The following EHD4 variants were observed in gnomAD, a reference collection of about 807,000 sequenced individuals.
EHD4 encodes EH domain-containing protein 4.
Under a neutral mutation model 51.0 loss-of-function variants are expected in EHD4, and 37 were observed. The observed-to-expected ratio is 0.73, with a 90% CI of 0.56 to 0.95. The LOEUF (loss-of-function observed/expected upper bound fraction) is 0.95, where lower values mean the gene tolerates loss of function less well. EHD4 is among the 40% of genes least tolerant of loss of function. The probability of loss-of-function intolerance (pLI) is 0.00; values close to 1 mark genes in which losing one functional copy is unlikely to be tolerated. For synonymous variants in EHD4, 297 were observed against 317.3 expected (o/e 0.94, Z 0.68); for missense variants, 632 against 733.1 (o/e 0.86, Z 1.59).
intron 3 of EHD4, among the ~76,000 whole-genome samples, chr15:41,936,576 A>G (rs2067733115): frequency 6.6e-6 from 1 of 152,364 alleles, no homozygotes; most frequent in Admixed American, 6.5e-5. Flanking sequence ...GAAATGCTCT[A>G]TATGCAAAGT....
intron 5 of EHD4, among the ~76,000 whole-genome samples, chr15:41,905,024 C>T (rs940271015): frequency 4.6e-5 from 7 of 152,228 alleles, no homozygotes; most frequent in Admixed American, 2.0e-4. Flanking sequence ...CTGGCATCAG[C>T]GAGCTCTCTG....
intron 3 of EHD4, among the ~76,000 whole-genome samples, chr15:41,930,005 A>C (rs1456548596): frequency 6.6e-6 from 1 of 152,166 alleles, no homozygotes; most frequent in Non-Finnish European, 1.5e-5. Context: ...CATCCCTTCT[A>C]CTGGATTCAT....
rs150883712 is a variant in EHD4 at position 41,958,225 on chromosome 15, C to A, written c.237-4285G>T. Among the ~76,000 whole-genome samples the A allele has an allele frequency of 1.1e-3, 165 of 152,124 alleles. 1 individual carries two copies. Among genetic ancestry groups the A allele is most frequent in the African/African-American group, 3.6e-3 (149 of 41,480 alleles). ...TGTCCTTGGCTCCACTTTGCTCCCC[C>A]TTTCCTGTGTTCTCGGAGAGGCCTG... On this transcript the variant is annotated intron_variant, in intron 1 of 5. Transcript: ENST00000220325.
intron 4 of EHD4, among the ~76,000 whole-genome samples, chr15:41,917,975 G>A (rs540711621): frequency 6.6e-6 from 1 of 152,332 alleles, no homozygotes; most frequent in South Asian, 2.1e-4. Flanking sequence ...TCCTGTGTGA[G>A]GGGCAGCAGC....
At chr15:41,924,062 A>C (rs927219140) in intron 3 of EHD4, among the ~76,000 whole-genome samples, 1 of 152,196 alleles carries the variant, frequency 6.6e-6, no homozygotes, top group African/African-American at 2.4e-5. Flanking sequence ...TACCTGAGAA[A>C]ATGCTTTTAT....
intron 2 of EHD4, among the ~76,000 whole-genome samples, chr15:41,949,729 T>C (rs948352202): frequency 1.3e-5 from 2 of 152,152 alleles, no homozygotes; most frequent in Non-Finnish European, 2.9e-5. Context: ...CAATTTAAAA[T>C]AATACTAGAT....
intron 3 of EHD4, among the ~76,000 whole-genome samples, chr15:41,922,743 A>T (rs1477289169): frequency 6.6e-6 from 1 of 152,258 alleles, no homozygotes; most frequent in Non-Finnish European, 1.5e-5. Context: ...TATTAGGAAC[A>T]GAGCTGCCAG....
chr15:41,952,139 C>A (rs539738384), intron 2 of EHD4, among the ~76,000 whole-genome samples: 1 of 152,244 alleles, frequency 6.6e-6, no homozygotes, highest in Non-Finnish European at 1.5e-5. Context: ...GGCCCTCAGC[C>A]GAGCCAGTGC....
intron 1 of EHD4, among the ~76,000 whole-genome samples, chr15:41,964,246 G>A (rs1227180959): frequency 6.7e-6 from 1 of 150,164 alleles, no homozygotes; most frequent in Non-Finnish European, 1.5e-5. Context: ...TAATATGGAA[G>A]ACAACTATAT....
At chr15:41,953,986 G>T in intron 1 of EHD4, 46 bp from the exon 2 acceptor site, 1 of 1,592,356 alleles carries the variant, frequency 6.3e-7, no homozygotes, top group Non-Finnish European at 8.5e-7. Context: ...TTATCACAAA[G>T]TAAGAGGCCA....
chr15:41,959,558 T>G (rs1008501080), intron 1 of EHD4, among the ~76,000 whole-genome samples: 1 of 152,164 alleles, frequency 6.6e-6, no homozygotes, highest in Non-Finnish European at 1.5e-5. Context: ...GAAAGTTTCA[T>G]GTAATATATT....
intron 3 of EHD4, among the ~76,000 whole-genome samples, chr15:41,929,805 A>G (rs1380576432): frequency 2.6e-5 from 4 of 152,172 alleles, no homozygotes; most frequent in African/African-American, 9.7e-5. Context: ...AGCTTCTTTG[A>G]AATAAAAAGC....
chr15:41,943,972 C>G (rs2067794635), intron 2 of EHD4, among the ~76,000 whole-genome samples: 1 of 152,208 alleles, frequency 6.6e-6, no homozygotes, highest in Admixed American at 6.5e-5. Flanking sequence ...CTTTAGGCCC[C>G]TCTTGTTCCT....
chr15:41,928,017 A>G (rs2067673891), intron 3 of EHD4, among the ~76,000 whole-genome samples: 1 of 152,234 alleles, frequency 6.6e-6, no homozygotes, highest in Non-Finnish European at 1.5e-5. Flanking sequence ...CTCAAAGTAA[A>G]CATCAACTAT....
At chr15:41,912,956 T>C (rs2067559819) in intron 4 of EHD4, among the ~76,000 whole-genome samples, 1 of 152,206 alleles carries the variant, frequency 6.6e-6, no homozygotes, top group Non-Finnish European at 1.5e-5. Context: ...TTACTGAAGT[T>C]GTTCAAAATC....
At chr15:41,938,125 C>T (rs1011641968) in intron 3 of EHD4, among the ~76,000 whole-genome samples, 12 of 152,224 alleles carry the variant, frequency 7.9e-5, no homozygotes, top group Middle Eastern at 3.4e-3. Context: ...TAGAATTTTC[C>T]ACTTGTGGCA....
chr15:41,898,656 G>A lies in EHD4; in HGVS notation c.*1989C>T, dbSNP rs2067455319. 1 of 152,206 alleles carries A rather than the reference G, an allele frequency of 6.6e-6. No homozygotes were observed. Among genetic ancestry groups the A allele is most frequent in the African/African-American group, 2.4e-5 (1 of 41,516 alleles). The allele number at this position is 152,206 out of a possible 1,614,324, so 9.4% of individuals were successfully genotyped here. ...AGATCGAGACCATATTGACCAACAT[G>A]GTAAAACCCCATCTCTACTAAAATA... On this transcript the variant is annotated 3_prime_UTR_variant, in exon 6 of 6. Transcript: ENST00000220325.
chr15:41,963,338 C>T lies in EHD4; in HGVS notation c.236+8921G>A, dbSNP rs569741045. ...AAGAGGCAGGGCACGGTGGCTCACG[C>T]CTGTAATCCCAGCCCTTTGGGAGGC... On this transcript the variant is annotated intron_variant, in intron 1 of 5. Transcript: ENST00000220325. Among the ~76,000 whole-genome samples, 60 of 151,372 alleles carry T rather than the reference C, an allele frequency of 4.0e-4. 1 individual carries two copies. Among genetic ancestry groups the T allele is most frequent in the Non-Finnish European group, 7.2e-4 (49 of 67,868 alleles).
chr15:41,954,129 C>G (rs371483180), intron 1 of EHD4, among the ~76,000 whole-genome samples, 189 bp from the exon 2 acceptor site: 1 of 152,148 alleles, frequency 6.6e-6, no homozygotes, highest in African/African-American at 2.4e-5. Flanking sequence ...GGAAGTGTAC[C>G]GTGCTGGCTC....
Sources: gnomAD v4.1 joint callset for allele counts (sites outside exome capture counted in the v4.1 genomes callset) on GRCh38, gnomAD v4.1.1 for gene constraint, MANE v1.5 for transcripts, NCBI Gene and HGNC (gene_info 2026-07-23, HGNC 2026-07-21) for gene names.